The following FAAH2 variants were observed in gnomAD, a reference collection of about 807,000 sequenced individuals.
FAAH2 encodes the protein fatty-acid amide hydrolase 2.
In FAAH2, 60 loss-of-function variants were observed where a neutral mutation model predicts 36.9. The ratio of observed to expected loss-of-function variants is 1.63; its 90% CI spans 1.32 to 2.02. FAAH2 has a LOEUF of 2.02. Ranked by LOEUF, FAAH2 falls within the 30% of genes most tolerant of loss-of-function variation. The probability of loss-of-function intolerance (pLI) is 0.00; values close to 1 mark genes in which losing one functional copy is unlikely to be tolerated. For synonymous variants in FAAH2, 214 were observed against 143.8 expected (o/e 1.49, Z -3.49); for missense variants, 689 against 397.5 (o/e 1.73, Z -6.23).
At chrX:57,357,206 T>G (rs113716142) in intron 5 of FAAH2, among the ~76,000 whole-genome samples, 1 of 36,997 alleles carries the variant, frequency 2.7e-5, no homozygotes. Flanking sequence ...AAGACTTAAA[T>G]GTAAGACCTA....
At chrX:57,411,056 C>T (rs1269451564) in intron 7 of FAAH2, among the ~76,000 whole-genome samples, 1 of 111,826 alleles carries the variant, frequency 8.9e-6, no homozygotes, top group Non-Finnish European at 1.9e-5. Context: ...GTTATCTTCT[C>T]TACTGTTTAT....
chrX:57,299,940 C>T (rs2052290597), intron 2 of FAAH2, among the ~76,000 whole-genome samples: 1 of 111,105 alleles, frequency 9.0e-6, no homozygotes, highest in Non-Finnish European at 1.9e-5. Context: ...CAAACCACTG[C>T]TCAATGAAAT....
At chrX:57,451,132 A>C (rs1354687843) in intron 10 of FAAH2, among the ~76,000 whole-genome samples, 1 of 111,750 alleles carries the variant, frequency 8.9e-6, no homozygotes, top group East Asian at 2.8e-4. Flanking sequence ...TGGGACTTTA[A>C]CCCAGGCCCT....
chrX:57,345,470 A>C (rs1468010812), intron 5 of FAAH2, among the ~76,000 whole-genome samples: 1 of 110,632 alleles, frequency 9.0e-6, no homozygotes, highest in Non-Finnish European at 1.9e-5. Flanking sequence ...TTTCTGTAGG[A>C]TCAGTTGTAA....
intron 5 of FAAH2, among the ~76,000 whole-genome samples, chrX:57,348,542 G>A (rs2053893439): frequency 9.0e-6 from 1 of 110,972 alleles, no homozygotes; most frequent in African/African-American, 3.3e-5. Context: ...CCCTTGGCAC[G>A]AGGATGGATG....
chrX:57,431,752 G>GT (rs2056299940), intron 7 of FAAH2, among the ~76,000 whole-genome samples, 166 bp from the exon 8 acceptor site: 1 of 69,342 alleles, frequency 1.4e-5, no homozygotes. Flanking sequence ...GGGGTGTTTT[G>GT]TTTTGTTTTT....
chrX:57,438,485 A>G (rs982223104), intron 8 of FAAH2, among the ~76,000 whole-genome samples: 10 of 110,233 alleles, frequency 9.1e-5, no homozygotes, highest in African/African-American at 3.3e-4. Flanking sequence ...TTGGAAAAAT[A>G]TAAACAAAAT....
At chrX:57,144,968 T>G in the FAAH2 span, among the ~76,000 whole-genome samples, 1 of 111,020 alleles carries the variant, frequency 9.0e-6, no homozygotes, top group African/African-American at 3.3e-5. Flanking sequence ...ATCCACTCAT[T>G]GATTGATGAA....
At chrX:57,373,728 G>C (rs925752754) in intron 5 of FAAH2, among the ~76,000 whole-genome samples, 2 of 111,453 alleles carry the variant, frequency 1.8e-5, no homozygotes, top group South Asian at 3.7e-4. Context: ...GTTTAATTAA[G>C]TCTCACCTCT....
At chrX:57,394,035 T>C in intron 7 of FAAH2, 1 of 759,543 alleles carries the variant, frequency 1.3e-6, no homozygotes. Flanking sequence ...GCCTTGTCTG[T>C]CTGGGTCAGT....
intron 7 of FAAH2, among the ~76,000 whole-genome samples, chrX:57,412,583 A>G (rs888919163): frequency 8.9e-6 from 1 of 112,055 alleles, no homozygotes; most frequent in Non-Finnish European, 1.9e-5. Flanking sequence ...ATAGTATTTC[A>G]TGGTGTATAT....
the FAAH2 span, among the ~76,000 whole-genome samples, chrX:57,278,482 A>T: frequency 8.9e-6 from 1 of 111,816 alleles, no homozygotes; most frequent in Admixed American, 9.5e-5. Context: ...ACCCTAGAAG[A>T]AAAAACCTAG....
chrX:57,469,397 G>A (rs747189349), intron 10 of FAAH2, among the ~76,000 whole-genome samples: 2 of 111,658 alleles, frequency 1.8e-5, no homozygotes, highest in South Asian at 3.8e-4. Context: ...TAAAGGGATG[G>A]AGGAAGATCT....
At chrX:57,233,644 T>C in the FAAH2 span, among the ~76,000 whole-genome samples, 1 of 111,832 alleles carries the variant, frequency 8.9e-6, no homozygotes. Flanking sequence ...TTTTGTTTTC[T>C]TTTGTTTTGT....
Position 57,489,032 on chromosome X carries a change from A to C in FAAH2, c.*100A>C. On this transcript the variant is annotated 3_prime_UTR_variant, in exon 11 of 11. Coordinates refer to ENST00000374900, the MANE Select transcript of FAAH2 (RefSeq NM_174912.4). ...CAAGCACCAGCAGACAAGCAGAGAA[A>C]CAACTGGGGAATTTATTGACTCATT... The C allele has an allele frequency of 1.2e-6, 1 of 841,181 alleles. No individual in the cohort carries two copies. The highest frequency in any genetic ancestry group is 1.6e-6 in the Non-Finnish European group (1 of 614,902). 69.3% of individuals were successfully genotyped at this position (841,181 alleles called of 1,213,427 possible). A position where few individuals can be genotyped will look rare whatever the true frequency, so the allele number is the denominator to read the frequency against.
chrX:57,187,423 G>C, the FAAH2 span, among the ~76,000 whole-genome samples: 1 of 111,267 alleles, frequency 9.0e-6, no homozygotes, highest in Non-Finnish European at 1.9e-5. Context: ...TTTGTATCCT[G>C]AGACTTTGCT....
the FAAH2 span, among the ~76,000 whole-genome samples, chrX:57,224,193 G>A: frequency 9.0e-6 from 1 of 111,392 alleles, no homozygotes; most frequent in Non-Finnish European, 1.9e-5. Flanking sequence ...AGCAAATAAG[G>A]CCATGCCTCT....
At chrX:57,252,804 G>A in the FAAH2 span, among the ~76,000 whole-genome samples, 9 of 112,540 alleles carry the variant, frequency 8.0e-5, no homozygotes, top group Non-Finnish European at 1.7e-4. Context: ...ACGAAGATGG[G>A]AAGAAACCAG....
chrX:57,367,577 T>A (rs908926882), intron 5 of FAAH2, among the ~76,000 whole-genome samples: 1 of 112,407 alleles, frequency 8.9e-6, no homozygotes, highest in Non-Finnish European at 1.9e-5. Context: ...CTATATTATC[T>A]GAAAAAGAAT....
Sources: gnomAD v4.1 joint callset for allele counts (sites outside exome capture counted in the v4.1 genomes callset) on GRCh38, gnomAD v4.1.1 for gene constraint, MANE v1.5 for transcripts, NCBI Gene and HGNC (gene_info 2026-07-23, HGNC 2026-07-21) for gene names.